The following SULT2B1 variants were observed in gnomAD, a reference collection of about 807,000 sequenced individuals.
SULT2B1 encodes sulfotransferase 2B1.
SULT2B1 carries 16 observed loss-of-function variants against 33.2 expected under a neutral mutation model. That is an observed-to-expected ratio of 0.48 (90% CI 0.33 to 0.73). The LOEUF (loss-of-function observed/expected upper bound fraction) is 0.73, where lower values mean the gene tolerates loss of function less well. Among genes scored for constraint, SULT2B1 ranks in the 30% least tolerant of loss-of-function variants. The probability of loss-of-function intolerance (pLI) is 0.02; values close to 1 mark genes in which losing one functional copy is unlikely to be tolerated. For missense variants in SULT2B1, 500 were observed against 506.0 expected (o/e 0.99, Z 0.11); for synonymous variants, 186 against 200.5 (o/e 0.93, Z 0.61).
chr19:48,559,570 C>T (rs1973148107), intron 1 of SULT2B1, among the ~76,000 whole-genome samples: 1 of 151,986 alleles, frequency 6.6e-6, no homozygotes, highest in Admixed American at 6.6e-5. Flanking sequence ...AGGGTTTCGC[C>T]ATGCTGGCCA....
At chr19:48,569,458 A>G (rs113949994) in intron 1 of SULT2B1, among the ~76,000 whole-genome samples, 1 of 16,980 alleles carries the variant, frequency 5.9e-5, no homozygotes, top group African/African-American at 4.1e-4. Flanking sequence ...AGTGACATCT[A>G]TCTGTAATCC....
At chr19:48,591,801 G>A in intron 4 of SULT2B1, 66 bp downstream of exon 4, 1 of 1,483,172 alleles carries the variant, frequency 6.7e-7, no homozygotes, top group South Asian at 1.4e-5. Flanking sequence ...GATGGGCAGA[G>A]GGACAGAGGA....
At chr19:48,597,763 C>T (rs1419189679) in intron 6 of SULT2B1, among the ~76,000 whole-genome samples, 3 of 151,408 alleles carry the variant, frequency 2.0e-5, no homozygotes, top group African/African-American at 7.3e-5. Context: ...CCTGCCTCAG[C>T]CTCCCAAGTA....
chr19:48,565,917 A>ATT (rs34520151), intron 1 of SULT2B1, among the ~76,000 whole-genome samples: 95 of 143,712 alleles, frequency 6.6e-4, no homozygotes, highest in South Asian at 8.8e-4. Flanking sequence ...ACACCAGGCT[A>ATT]TTTTTTTTTT....
chr19:48,569,124 C>A (rs1973282900), intron 1 of SULT2B1, among the ~76,000 whole-genome samples: 1 of 151,940 alleles, frequency 6.6e-6, no homozygotes, highest in African/African-American at 2.4e-5. Flanking sequence ...AGGCAGATCA[C>A]AAGGTCAGGA....
chr19:48,553,990 C>T (rs539258984), intron 1 of SULT2B1, among the ~76,000 whole-genome samples: 8 of 152,144 alleles, frequency 5.3e-5, no homozygotes, highest in South Asian at 2.1e-4. Context: ...ATCTCCGCGA[C>T]GGCTCTGCCA....
At chr19:48,557,533 C>T (rs1012838211) in intron 1 of SULT2B1, among the ~76,000 whole-genome samples, 2 of 150,514 alleles carry the variant, frequency 1.3e-5, no homozygotes, top group Non-Finnish European at 3.0e-5. Context: ...GATTGAAACT[C>T]CATCTCAAAA....
At chr19:48,598,034 C>T (rs1272593779) in intron 6 of SULT2B1, among the ~76,000 whole-genome samples, 1 of 152,136 alleles carries the variant, frequency 6.6e-6, no homozygotes, top group African/African-American at 2.4e-5. Context: ...TCCCCATCTC[C>T]AGATCTTTAG....
At chr19:48,590,122 G>A (rs150927766) in intron 3 of SULT2B1, among the ~76,000 whole-genome samples, 1,584 of 152,088 alleles carry the variant, frequency 0.01, 9 homozygotes, top group Non-Finnish European at 0.017. Context: ...CAAATAGCTG[G>A]GATTACAGGC....
chr19:48,553,909 C>T (rs947421758), intron 1 of SULT2B1, among the ~76,000 whole-genome samples: 2 of 152,194 alleles, frequency 1.3e-5, no homozygotes, highest in African/African-American at 2.4e-5. Flanking sequence ...TAAGCCAGCT[C>T]GCCTCCAGGG....
intron 5 of SULT2B1, chr19:48,596,451 C>G (rs3893696): frequency 9.3e-6 from 2 of 215,634 alleles, no homozygotes; most frequent in Middle Eastern, 1.4e-3. Context: ...GACCTCTGCC[C>G]CCGGCTGTGA....
At chr19:48,569,354 A>G (rs1357108761) in intron 1 of SULT2B1, among the ~76,000 whole-genome samples, 1 of 86,676 alleles carries the variant, frequency 1.2e-5, no homozygotes, top group Admixed American at 1.3e-4. Flanking sequence ...AAAAAAAAAA[A>G]AAAAAAAACA....
intron 5 of SULT2B1, among the ~76,000 whole-genome samples, chr19:48,595,587 T>C (rs541282086): frequency 6.6e-5 from 10 of 150,612 alleles, no homozygotes; most frequent in African/African-American, 2.2e-4. Context: ...TAGGGAATGG[T>C]GAGTCCCAGA....
intron 6 of SULT2B1, among the ~76,000 whole-genome samples, chr19:48,598,419 C>A (rs1017661923): frequency 2.0e-5 from 3 of 152,042 alleles, no homozygotes; most frequent in Admixed American, 2.0e-4. Flanking sequence ...TGGTTAAACG[C>A]CATCTCTACT....
chr19:48,559,348 T>TTTTTGTTTTG lies in SULT2B1; in HGVS notation c.71+7056_71+7065dup, dbSNP rs10577756. Among the ~76,000 whole-genome samples the TTTTTGTTTTG allele has an allele frequency of 1.1e-4, 17 of 148,838 alleles. No homozygotes were observed. In the South Asian group the frequency reaches 1.5e-3, roughly 13 times the overall value. The stretch of plus-strand genomic sequence containing the variant: ...GAGTTCAGGACCCATTTGGTTTTGT[T>TTTTTGTTTTG]TTTTGTTTTGTTTTGTTTTGTTTTG... On this transcript the variant is annotated intron_variant, in intron 1 of 6. Coordinates refer to ENST00000201586, the MANE Select transcript of SULT2B1 (RefSeq NM_177973.2).
intron 2 of SULT2B1, among the ~76,000 whole-genome samples, chr19:48,579,010 T>C (rs540630623): frequency 3.3e-5 from 5 of 152,098 alleles, no homozygotes; most frequent in African/African-American, 1.2e-4. Context: ...CAATCTCCGT[T>C]CTGTTTCTAT....
chr19:48,555,977 T>G (rs1973095100), intron 1 of SULT2B1, among the ~76,000 whole-genome samples: 2 of 152,096 alleles, frequency 1.3e-5, no homozygotes, highest in African/African-American at 4.8e-5. Flanking sequence ...TGACCTCAGG[T>G]GATGTGCCCA....
At chr19:48,566,918 A>G (rs9676424) in intron 1 of SULT2B1, among the ~76,000 whole-genome samples, 19,817 of 151,682 alleles carry the variant, frequency 0.13, 1,397 homozygotes, top group African/African-American at 0.16. Context: ...CATGAGAATC[A>G]CTTGAACCTG....
At position 48,552,183 on chromosome 19, in the gene SULT2B1, C is replaced by A; in HGVS notation, c.-70C>A. The A allele has an allele frequency of 6.6e-7, 1 of 1,504,980 alleles. No individual in the cohort carries two copies. The allele number at this position is 1,504,980 out of a possible 1,614,324, so 93.2% of individuals were successfully genotyped here. A position where few individuals can be genotyped will look rare whatever the true frequency, so the allele number is the denominator to read the frequency against. ...GCTCCCCAGGTGGCAGACGCTGTCG[C>A]TGCGCACACCTGGCCTCTGTGCCGC... is the stretch of plus-strand genomic sequence containing the variant. On this transcript the variant is annotated 5_prime_UTR_variant, in exon 1 of 7. The change creates a new upstream start codon in the 5' untranslated region. Coordinates refer to ENST00000201586, the MANE Select transcript of SULT2B1 (RefSeq NM_177973.2). The surrounding 1 kb of genome is among the most constrained non-coding windows in gnomAD (Gnocchi z 4.8).
Sources: allele counts gnomAD v4.1 joint callset (sites outside exome capture counted in the v4.1 genomes callset), GRCh38; gene constraint gnomAD v4.1.1; non-coding constraint Gnocchi (gnomAD v3.1); transcripts MANE v1.5; gene names NCBI Gene and HGNC (gene_info 2026-07-23, HGNC 2026-07-21).